The following FMN2 variants were observed in gnomAD, a reference collection of about 807,000 sequenced individuals.
FMN2 encodes the protein formin-2.
A neutral mutation model predicts 142.3 loss-of-function variants in FMN2; 51 were observed. The ratio of observed to expected loss-of-function variants is 0.36; its 90% CI spans 0.29 to 0.45. The LOEUF is 0.45. FMN2 is among the 20% of genes least tolerant of loss of function. The pLI is 1.00. For missense variants in FMN2, 1,936 were observed against 2,122.8 expected, an observed-to-expected ratio of 0.91 and a Z score of 1.73; for synonymous variants, 882 against 869.8, an observed-to-expected ratio of 1.01 and a Z score of -0.25.
rs199567962 is a variant in FMN2, at chr1:240,203,116, A to G, written c.1987-3683A>G. Among the ~76,000 whole-genome samples the G allele has an allele frequency of 8.5e-5, 13 of 152,324 alleles. No individual in the cohort carries two copies. The East Asian group carries it at 2.5e-3, about 29-fold the overall frequency. On this transcript the variant is annotated intron_variant, in intron 4 of 17. Transcript: ENST00000319653. ...AATACTAATTGTACTCCTTATTAAG[A>G]TAAATTTGGGTGCTGGTTTTTTGGC...
chr1:240,120,959 A>T (rs1035256755), intron 1 of FMN2, among the ~76,000 whole-genome samples: 1 of 152,156 alleles, frequency 6.6e-6, no homozygotes, highest in South Asian at 2.1e-4. Context: ...GGAGTTCAAG[A>T]CCAGTCTGAC....
intron 14 of FMN2, among the ~76,000 whole-genome samples, chr1:240,385,737 G>A (rs184121513): frequency 1.4e-3 from 207 of 152,188 alleles, no homozygotes; most frequent in Non-Finnish European, 2.6e-3. Context: ...AATAGCACAC[G>A]GCTTTCCTGT....
At chr1:240,436,175 A>G (rs1675362377) in intron 15 of FMN2, among the ~76,000 whole-genome samples, 1 of 152,222 alleles carries the variant, frequency 6.6e-6, no homozygotes, top group African/African-American at 2.4e-5. Flanking sequence ...AGCCCGTGGC[A>G]GCCAGATCCT....
intron 15 of FMN2, among the ~76,000 whole-genome samples, chr1:240,429,872 T>G (rs1312359793): frequency 6.8e-6 from 1 of 147,810 alleles, no homozygotes; most frequent in African/African-American, 2.6e-5. Context: ...CATTCCTTTT[T>G]TGTTTTTTTT....
intron 2 of FMN2, among the ~76,000 whole-genome samples, chr1:240,141,913 A>C (rs1406053291): frequency 1.3e-5 from 2 of 152,076 alleles, no homozygotes; most frequent in African/African-American, 2.4e-5. Context: ...GCCTGGGGGA[A>C]CCAGATGCTC....
intron 8 of FMN2, among the ~76,000 whole-genome samples, chr1:240,324,903 C>CA (rs1671109267): frequency 6.6e-6 from 1 of 151,964 alleles, no homozygotes; most frequent in African/African-American, 2.4e-5. Flanking sequence ...GGGGTGTTTA[C>CA]AAACTATGAG....
intron 15 of FMN2, among the ~76,000 whole-genome samples, chr1:240,412,677 A>G (rs1191072965): frequency 1.3e-5 from 2 of 152,212 alleles, no homozygotes; most frequent in Non-Finnish European, 2.9e-5. Context: ...ATAGGAATAC[A>G]GTGGTTGGGA....
chr1:240,392,653 T>G (rs1572261427), intron 15 of FMN2, 91 bp downstream of exon 15: 16 of 1,020,546 alleles, frequency 1.6e-5, no homozygotes, highest in Non-Finnish European at 2.3e-5. Flanking sequence ...TCAATTTTAA[T>G]TTTCAAGCAT....
At chr1:240,167,129 A>G (rs1474159914) in intron 2 of FMN2, among the ~76,000 whole-genome samples, 2 of 151,750 alleles carry the variant, frequency 1.3e-5, no homozygotes, top group African/African-American at 4.8e-5. Flanking sequence ...CTCAAACAAC[A>G]ACAATAACAA....
At chr1:240,096,822 C>G (rs1357839835) in intron 1 of FMN2, among the ~76,000 whole-genome samples, 1 of 152,190 alleles carries the variant, frequency 6.6e-6, no homozygotes, top group African/African-American at 2.4e-5. Flanking sequence ...ATGTCTGTGT[C>G]TCTTTGGTAG....
At position 240,208,372 on chromosome 1, in the gene FMN2, C is replaced by T. The variant is rs372947608; in HGVS notation, c.3560C>T (p.Pro1187Leu). The change falls in exon 5 of 18, where the codon CCG (proline) becomes CTG (leucine). Residue 1187 changes from proline (P) to leucine (L), a missense_variant. Physicochemically the swap from Pro to Leu is moderately conservative, Grantham distance 98 (BLOSUM62 -3). Coordinates refer to ENST00000319653, the MANE Select transcript of FMN2 (RefSeq NM_020066.5). ...CTACCTGGAGTGGGAATACCTCCTCCGCCCCCTCTACCTGGAGTGGGAATA... is the reference window on the plus strand; with the variant it reads ...CTACCTGGAGTGGGAATACCTCCTCTGCCCCCTCTACCTGGAGTGGGAATA... ...PPLPGVGIPPPPPLPGVGIPP... is the reference protein window; with the variant it reads ...PPLPGVGIPPLPPLPGVGIPP... The T allele has an allele frequency of 3.5e-5, 55 of 1,585,536 alleles. No individual in the cohort carries two copies. Among genetic ancestry groups the T allele is most frequent in the Admixed American group, 1.2e-4 (7 of 58,758 alleles).
chr1:240,218,650 C>A (rs369985575), intron 6 of FMN2, among the ~76,000 whole-genome samples: 2 of 152,044 alleles, frequency 1.3e-5, no homozygotes, highest in Non-Finnish European at 2.9e-5. Flanking sequence ...GCCACTATTG[C>A]GGAGAGCCCT....
intron 1 of FMN2, among the ~76,000 whole-genome samples, chr1:240,112,932 A>G (rs1324027521): frequency 6.6e-6 from 1 of 152,316 alleles, no homozygotes; most frequent in East Asian, 1.9e-4. Context: ...CATTCAGCAG[A>G]TAGATTTTTG....
chr1:240,299,589 C>A (rs1056406732), intron 8 of FMN2, among the ~76,000 whole-genome samples: 4 of 152,110 alleles, frequency 2.6e-5, no homozygotes, highest in African/African-American at 4.8e-5. Context: ...GGTTTAAATT[C>A]AAACGGTGAC....
At chr1:240,319,767 T>C (rs1670908402) in intron 8 of FMN2, among the ~76,000 whole-genome samples, 1 of 152,176 alleles carries the variant, frequency 6.6e-6, no homozygotes, top group African/African-American at 2.4e-5. Flanking sequence ...TTCGTGTATT[T>C]GGCCATAAGG....
intron 14 of FMN2, among the ~76,000 whole-genome samples, chr1:240,361,190 A>T (rs1256125451): frequency 8.3e-6 from 1 of 120,696 alleles, no homozygotes; most frequent in Non-Finnish European, 1.9e-5. Context: ...TATATAAAAG[A>T]GTTTAAAGAA....
At chr1:240,339,099 A>T (rs115738279) in intron 13 of FMN2, among the ~76,000 whole-genome samples, 2,786 of 152,228 alleles carry the variant, frequency 0.018, 93 homozygotes, top group African/African-American at 0.063. Flanking sequence ...ATAAATACAG[A>T]TGAAGCTTTG....
chr1:240,159,201 T>C (rs1290211347), intron 2 of FMN2, among the ~76,000 whole-genome samples: 1 of 152,146 alleles, frequency 6.6e-6, no homozygotes, highest in Non-Finnish European at 1.5e-5. Context: ...GTGTTTTTTT[T>C]TTAAATCCAC....
At chr1:240,237,726 A>T (rs1667757081) in intron 6 of FMN2, among the ~76,000 whole-genome samples, 1 of 140,720 alleles carries the variant, frequency 7.1e-6, no homozygotes, top group Admixed American at 7.0e-5. Context: ...CACTGGGCTT[A>T]GTACTTTATC....
Sources: gnomAD v4.1 joint callset for allele counts (sites outside exome capture counted in the v4.1 genomes callset) on GRCh38, gnomAD v4.1.1 for gene constraint, MANE v1.5 for transcripts, NCBI Gene and HGNC (gene_info 2026-07-23, HGNC 2026-07-21) for gene names.